The following ARSG variants were observed in gnomAD, a reference collection of about 807,000 sequenced individuals.
The protein encoded by ARSG is arylsulfatase G.
ARSG carries 37 observed loss-of-function variants against 50.5 expected under a neutral mutation model. That is an observed-to-expected ratio of 0.73 (90% CI 0.56 to 0.96). The LOEUF (loss-of-function observed/expected upper bound fraction) is 0.96. ARSG is among the 50% of genes least tolerant of loss of function. The pLI is 0.00. For synonymous variants in ARSG, 225 were observed against 254.6 expected (o/e 0.88, Z 1.11); for missense variants, 629 against 675.3 (o/e 0.93, Z 0.76).
chr17:68,368,466 TGGA>T, intron 6 of ARSG, 79 bp from the exon 7 acceptor site: 1 of 1,332,858 alleles, frequency 7.5e-7, no homozygotes, highest in East Asian at 2.3e-5. Flanking sequence ...GGGATTTTCC[TGGA>T]GGAGAGGGAG....
At chr17:68,261,616 C>G (rs79196598) in intron 1 of ARSG, among the ~76,000 whole-genome samples, 1 of 152,128 alleles carries the variant, frequency 6.6e-6, no homozygotes, top group Non-Finnish European at 1.5e-5. Flanking sequence ...CAGGCTCAAG[C>G]AATCTGCCCA....
chr17:68,271,705 C>T lies in ARSG; in HGVS notation c.-552+12279C>T. The T allele has an allele frequency of 6.9e-7, 1 of 1,453,502 alleles. No individual in the cohort carries two copies. The highest frequency in any genetic ancestry group is 1.3e-5 in the South Asian group (1 of 79,516). 90.0% of individuals were successfully genotyped at this position (1,453,502 alleles called of 1,614,324 possible). A position where few individuals can be genotyped will look rare whatever the true frequency, so the allele number is the denominator to read the frequency against. On this transcript the variant is annotated intron_variant, in intron 1 of 11. Transcript: ENST00000448504. The surrounding 1 kb of genome is among the most constrained non-coding windows in gnomAD (Gnocchi z 5.3). ...AATAATATAAGGTCAATAATGGACT[C>T]AAGACCCAGGAGAAGCCATCAAGAA...
Position 68,420,181 on chromosome 17 carries a change from C to A in ARSG, c.1304-8C>A. ...TTAGCGAGGCATTTGTTGTCATTCC[C>A]TCTCTAGGTGGAGCCAGGGCGTGTG... is the stretch of plus-strand genomic sequence containing the variant. On this transcript the variant is annotated splice_region_variant and splice_polypyrimidine_tract_variant and intron_variant, in intron 11 of 11. Transcript: ENST00000621439. The A allele has an allele frequency of 6.2e-7, 1 of 1,613,226 alleles. No individual in the cohort carries two copies. Among genetic ancestry groups the A allele is most frequent in the South Asian group, 1.1e-5 (1 of 91,010 alleles).
rs1166818665 is a variant in ARSG at position 68,415,069 on chromosome 17, G to A, written c.1304-5120G>A. ...CTTGGTTATTTCCTTTTGTCTGCTGGGTTTTGTTTGTTCTTGTTTCTCTAG... is the reference window on the plus strand; with the variant it reads ...CTTGGTTATTTCCTTTTGTCTGCTGAGTTTTGTTTGTTCTTGTTTCTCTAG... On this transcript the variant is annotated intron_variant, in intron 11 of 11. Coordinates refer to ENST00000621439, the MANE Select transcript of ARSG (RefSeq NM_001267727.2). Among the ~76,000 whole-genome samples the A allele has an allele frequency of 3.9e-5, 6 of 151,916 alleles. No homozygotes were observed. The East Asian group carries it at 1.2e-3, about 29-fold the overall frequency.
At position 68,417,310 on chromosome 17, in the gene ARSG, G is replaced by A. The variant is rs945778266; in HGVS notation, c.1304-2879G>A. Among the ~76,000 whole-genome samples the A allele has an allele frequency of 3.3e-5, 5 of 152,122 alleles. No homozygotes were observed. The East Asian group carries it at 7.7e-4, about 23-fold the overall frequency. On this transcript the variant is annotated intron_variant, in intron 11 of 11. Transcript: ENST00000621439. ...GTAAATTAGTTTCTCCTGAGGGCAG[G>A]CCTTGTTAAGAAAACTAGAATGTTT...
chr17:68,290,635 C>A (rs1307243434), upstream of ARSG, among the ~76,000 whole-genome samples: 2 of 152,242 alleles, frequency 1.3e-5, no homozygotes, highest in African/African-American at 4.8e-5. Flanking sequence ...TGCCTCAGTG[C>A]CCGGCCTGCG....
At chr17:68,308,140 C>A (rs2076680846) in intron 2 of ARSG, among the ~76,000 whole-genome samples, 1 of 152,012 alleles carries the variant, frequency 6.6e-6, no homozygotes, top group Non-Finnish European at 1.5e-5. Flanking sequence ...CCCACTTCTA[C>A]AAAAAATAAA....
chr17:68,285,050 G>A (rs2075809975), intron 1 of ARSG, among the ~76,000 whole-genome samples: 1 of 152,172 alleles, frequency 6.6e-6, no homozygotes, highest in African/African-American at 2.4e-5. Flanking sequence ...CCAAGAGATG[G>A]TCTCTGCCTC....
chr17:68,401,627 C>T (rs2081478372), intron 11 of ARSG, among the ~76,000 whole-genome samples, 177 bp downstream of exon 11: 1 of 152,208 alleles, frequency 6.6e-6, no homozygotes, highest in South Asian at 2.1e-4. Flanking sequence ...CTCTGGATCC[C>T]TCATATGCAA....
chr17:68,407,865 A>G (rs532959021), intron 11 of ARSG, among the ~76,000 whole-genome samples: 8 of 151,742 alleles, frequency 5.3e-5, no homozygotes, highest in Non-Finnish European at 1.0e-4. Context: ...AATGCCCTTT[A>G]CTTCTTTCTC....
intron 2 of ARSG, among the ~76,000 whole-genome samples, chr17:68,324,263 C>T (rs552549418): frequency 1.5e-4 from 23 of 152,170 alleles, no homozygotes; most frequent in African/African-American, 5.5e-4. Context: ...ACCACGCTGA[C>T]ATTCTGGTTC....
chr17:68,302,817 A>G (rs1484338222), intron 1 of ARSG, among the ~76,000 whole-genome samples: 2 of 152,162 alleles, frequency 1.3e-5, no homozygotes, highest in East Asian at 3.9e-4. Flanking sequence ...AGGATCTTTC[A>G]CAGTCAGTTG....
At chr17:68,282,374 G>T (rs2075721170) in intron 1 of ARSG, among the ~76,000 whole-genome samples, 2 of 151,924 alleles carry the variant, frequency 1.3e-5, no homozygotes, top group Admixed American at 1.3e-4. Flanking sequence ...AAGGGGGAGG[G>T]ATAGCATTAG....
intron 2 of ARSG, among the ~76,000 whole-genome samples, chr17:68,312,317 CT>C (rs1383535104): frequency 2.6e-5 from 4 of 152,138 alleles, no homozygotes; most frequent in Non-Finnish European, 5.9e-5. Flanking sequence ...TCAAGATGCC[CT>C]GGAATGTCAC....
Position 68,271,217 on chromosome 17 carries a change from T to G in ARSG, c.-552+11791T>G. On this transcript the variant is annotated intron_variant, in intron 1 of 11. Transcript: ENST00000448504. The surrounding 1 kb of genome is among the most constrained non-coding windows in gnomAD (Gnocchi z 5.3). ...CCCAGACTAATGCCCAGAGGAATGATGTACAAGGAAGGTGCAAAGAATCCC... is the reference window on the plus strand; with the variant it reads ...CCCAGACTAATGCCCAGAGGAATGAGGTACAAGGAAGGTGCAAAGAATCCC... The G allele has an allele frequency of 6.2e-7, 1 of 1,614,098 alleles. No individual in the cohort carries two copies. The highest frequency in any genetic ancestry group is 2.2e-5 in the East Asian group (1 of 44,890).
chr17:68,298,594 C>CAA (rs562725952), intron 1 of ARSG, among the ~76,000 whole-genome samples: 1,261 of 63,732 alleles, frequency 0.02, 38 homozygotes, highest in Non-Finnish European at 0.029. Flanking sequence ...GATCCTGTCT[C>CAA]AAAAAAAAAA....
At chr17:68,401,138 C>T (rs1357232325) in intron 10 of ARSG, 1 of 518,222 alleles carries the variant, frequency 1.9e-6, no homozygotes, top group African/African-American at 1.9e-5. Flanking sequence ...ATCCTCTCAC[C>T]TCAGCTTCCA....
intron 4 of ARSG, among the ~76,000 whole-genome samples, chr17:68,349,430 G>C (rs2078655336): frequency 6.6e-6 from 1 of 152,200 alleles, no homozygotes; most frequent in Non-Finnish European, 1.5e-5. Context: ...AACCTAAAAT[G>C]TTTACTATTT....
intron 8 of ARSG, among the ~76,000 whole-genome samples, chr17:68,377,283 C>G (rs2080197718): frequency 6.6e-6 from 1 of 152,270 alleles, no homozygotes; most frequent in Admixed American, 6.5e-5. Context: ...CTGACCATCA[C>G]TGGCTCATTC....
Sources: allele counts gnomAD v4.1 joint callset (sites outside exome capture counted in the v4.1 genomes callset), GRCh38; gene constraint gnomAD v4.1.1; non-coding constraint Gnocchi (gnomAD v3.1); transcripts MANE v1.5; gene names NCBI Gene and HGNC (gene_info 2026-07-23, HGNC 2026-07-21).